IGF2R: variants seen among roughly 807,000 people sequenced by gnomAD.
IGF2R encodes the protein insulin like growth factor 2 receptor.
IGF2R carries 91 observed loss-of-function variants against 270.6 expected under a neutral mutation model. That is an observed-to-expected ratio of 0.34 (90% CI 0.28 to 0.40). The LOEUF (loss-of-function observed/expected upper bound fraction) is 0.40, where lower values mean the gene tolerates loss of function less well. IGF2R is among the 10% of genes least tolerant of loss of function. The pLI is 1.00. For missense variants in IGF2R, 2,805 were observed against 3,188.3 expected (o/e 0.88, Z 2.90); for synonymous variants, 1,316 against 1,258.9 (o/e 1.05, Z -0.96).
intron 22 of IGF2R, among the ~76,000 whole-genome samples, chr6:160,060,330 T>A (rs1313472785): frequency 6.6e-6 from 1 of 152,226 alleles, no homozygotes; most frequent in Non-Finnish European, 1.5e-5. Context: ...TTGCAGTGAG[T>A]GTGTAAACCT....
At chr6:159,980,321 T>G (rs1404963707) in intron 1 of IGF2R, among the ~76,000 whole-genome samples, 1 of 152,168 alleles carries the variant, frequency 6.6e-6, no homozygotes, top group African/African-American at 2.4e-5. Flanking sequence ...GCATGGTAGC[T>G]GCTTTTCCTC....
intron 1 of IGF2R, among the ~76,000 whole-genome samples, chr6:159,977,291 T>A (rs1159610449): frequency 6.6e-6 from 1 of 152,244 alleles, no homozygotes; most frequent in African/African-American, 2.4e-5. Flanking sequence ...GACAGGTGAC[T>A]CCTGACCGTG....
At chr6:160,096,382 C>T (rs888248953) in intron 44 of IGF2R, 57 bp from the exon 45 acceptor site, 23 of 1,506,566 alleles carry the variant, frequency 1.5e-5, no homozygotes, top group East Asian at 9.1e-5. Context: ...GAGCTAAGCT[C>T]AGTCTGCTCG....
chr6:160,008,268 A>G (rs8191723), intron 2 of IGF2R, among the ~76,000 whole-genome samples: 3,080 of 152,040 alleles, frequency 0.02, 50 homozygotes, highest in Non-Finnish European at 0.035. Flanking sequence ...TTTTGTTTCC[A>G]GTTCCGTTTT....
chr6:160,062,024 C>G, intron 25 of IGF2R, 96 bp downstream of exon 25: 1 of 1,229,876 alleles, frequency 8.1e-7, no homozygotes, highest in Non-Finnish European at 1.1e-6. Context: ...TTAAAACTTG[C>G]CTGTGTTTTC....
At chr6:160,097,109 G>A (rs765396095) in intron 45 of IGF2R, among the ~76,000 whole-genome samples, 1 of 152,190 alleles carries the variant, frequency 6.6e-6, no homozygotes, top group Non-Finnish European at 1.5e-5. Context: ...GTATTTTTAC[G>A]TTTGTTTGAA....
At chr6:159,979,437 G>A (rs574774996) in intron 1 of IGF2R, among the ~76,000 whole-genome samples, 7 of 152,172 alleles carry the variant, frequency 4.6e-5, no homozygotes, top group Non-Finnish European at 7.3e-5. Context: ...CTCTGCTCTC[G>A]AAGCGTCAGT....
intron 42 of IGF2R, 114 bp downstream of exon 42, chr6:160,088,261 G>T: frequency 1.4e-6 from 1 of 715,438 alleles, no homozygotes; most frequent in Non-Finnish European, 2.5e-6. Context: ...CAGGGCCAGA[G>T]CCGCTGATTG....
In IGF2R at chr6:159,969,336, G is replaced by C; in HGVS notation, c.90G>C (p.Leu30=). ...QRSLLLLQLL[L]LVAAPGSTQA... The stretch of plus-strand genomic sequence containing the variant: ...CTCTGCTCCTGCTGCAGCTGCTGCT[G>C]CTCGTCGCTGCCCCGGGGTCCACGC... The change falls in exon 1 of 48, where the codon CTG becomes CTC. Residue 30 remains leucine (L), a synonymous_variant. Transcript: ENST00000356956. 7.6e-7 allele frequency: 1 copy of C among 1,311,276 alleles called. No homozygotes were observed. Among genetic ancestry groups the C allele is most frequent in the Non-Finnish European group, 9.7e-7 (1 of 1,025,988 alleles). The allele number at this position is 1,311,276 out of a possible 1,614,324, so 81.2% of individuals were successfully genotyped here.
At chr6:160,031,760 G>A (rs1470621988) in intron 7 of IGF2R, among the ~76,000 whole-genome samples, 3 of 152,202 alleles carry the variant, frequency 2.0e-5, no homozygotes, top group Non-Finnish European at 4.4e-5. Flanking sequence ...AGTGCCTGGC[G>A]TGTAGCAGGT....
chr6:159,988,015 T>C (rs185375778), intron 1 of IGF2R, among the ~76,000 whole-genome samples: 12 of 152,360 alleles, frequency 7.9e-5, no homozygotes, highest in Non-Finnish European at 1.5e-5. Context: ...TTGATAAATC[T>C]TGACAAAACA....
At chr6:160,022,699 G>C (rs1777466055) in intron 4 of IGF2R, among the ~76,000 whole-genome samples, 2 of 152,206 alleles carry the variant, frequency 1.3e-5, no homozygotes, top group Admixed American at 1.3e-4. Context: ...AATGACAAAA[G>C]TCAACAGATG....
At chr6:160,059,964 C>G (rs1268735490) in intron 22 of IGF2R, among the ~76,000 whole-genome samples, 1 of 152,230 alleles carries the variant, frequency 6.6e-6, no homozygotes, top group Admixed American at 6.5e-5. Context: ...TTGGTAAACT[C>G]GTGGGATTTA....
At chr6:159,973,377 TG>T (rs1165254756) in intron 1 of IGF2R, among the ~76,000 whole-genome samples, 1 of 152,132 alleles carries the variant, frequency 6.6e-6, no homozygotes, top group Non-Finnish European at 1.5e-5. Flanking sequence ...TGCTTTGGGA[TG>T]GTTAGATTTA....
At position 160,004,693 on chromosome 6, in the gene IGF2R, G is replaced by GC. The variant is rs1352060418; in HGVS notation, c.290-4315dup. 1.3e-5 allele frequency: 2 copies of GC among 154,532 alleles called. No individual in the cohort carries two copies. The highest frequency in any genetic ancestry group is 4.8e-5 in the African/African-American group (2 of 41,466). The allele number at this position is 154,532 out of a possible 1,614,324, so 9.6% of individuals were successfully genotyped here. On this transcript the variant is annotated intron_variant, in intron 2 of 47. Transcript: ENST00000356956. The surrounding 1 kb of genome is among the most constrained non-coding windows in gnomAD (Gnocchi z 5.2). The stretch of plus-strand genomic sequence containing the variant: ...GGTGTGTGGAGGGCCCTTGTGTGCA[G>GC]CCTGGTGGTTCCTGTGAGCATGGTT...
chr6:160,073,747 T>C lies in IGF2R; in HGVS notation c.4948-10T>C, dbSNP rs750159832. ...TTTGTAGACTCAAAGCAGTCTTTCC[T>C]ACTTAACAGACCGAATGTTCCGTGA... On this transcript the variant is annotated splice_polypyrimidine_tract_variant and intron_variant, in intron 34 of 47. Coordinates refer to ENST00000356956, the MANE Select transcript of IGF2R (RefSeq NM_000876.4). 5.6e-6 allele frequency: 9 copies of C among 1,611,794 alleles called. No individual in the cohort carries two copies. The Admixed American group carries it at 1.5e-4, about 27-fold the overall frequency.
At chr6:160,006,553 A>G (rs1343268854) in intron 2 of IGF2R, 1 of 152,216 alleles carries the variant, frequency 6.6e-6, no homozygotes, top group Non-Finnish European at 1.5e-5. Context: ...TTTAGAAAAG[A>G]CCCTGGGTGT....
Position 160,082,553 on chromosome 6 carries a change from G to A in IGF2R, c.5834-1397G>A, listed in dbSNP as rs1000575489. ...TCTCCAACTGCTGACCTCATGATCC[G>A]CCCACCTCGGCCTCCCAGAGTGCTG... On this transcript the variant is annotated intron_variant, in intron 39 of 47. Coordinates refer to ENST00000356956, the MANE Select transcript of IGF2R (RefSeq NM_000876.4). Among the ~76,000 whole-genome samples the A allele has an allele frequency of 5.9e-5, 9 of 152,212 alleles. 1 individual carries two copies. In the South Asian group the frequency reaches 1.7e-3, roughly 28 times the overall value.
In IGF2R at chr6:160,111,141, A is replaced by C. The variant is rs1779730657; in HGVS notation, c.*6057A>C. 1 of 152,258 alleles carries C rather than the reference A, an allele frequency of 6.6e-6. No homozygotes were observed. The highest frequency in any genetic ancestry group is 1.5e-5 in the Non-Finnish European group (1 of 68,046). 9.4% of individuals were successfully genotyped at this position (152,258 alleles called of 1,614,324 possible). On this transcript the variant is annotated 3_prime_UTR_variant, in exon 48 of 48. Transcript: ENST00000356956. ...GCTTGACTGGGGCAATGATTTTGTA[A>C]TGATAAGTATCTCAAAACATCATGT... is the stretch of plus-strand genomic sequence containing the variant.
Sources: allele counts gnomAD v4.1 joint callset (sites outside exome capture counted in the v4.1 genomes callset), GRCh38; gene constraint gnomAD v4.1.1; non-coding constraint Gnocchi (gnomAD v3.1); transcripts MANE v1.5; gene names NCBI Gene and HGNC (gene_info 2026-07-23, HGNC 2026-07-21).